The following WDPCP variants were observed in gnomAD, a reference collection of about 807,000 sequenced individuals.
WDPCP encodes the protein WD repeat containing planar cell polarity effector.
A neutral mutation model predicts 93.1 loss-of-function variants in WDPCP; 71 were observed. That is an observed-to-expected ratio of 0.76 (90% CI 0.63 to 0.93). WDPCP has a LOEUF of 0.93. Ranked by LOEUF, WDPCP falls within the 40% of genes least tolerant of loss-of-function variation. The pLI, the probability that WDPCP is intolerant of heterozygous loss-of-function variation, is 0.00. For missense variants in WDPCP, 844 were observed against 887.4 expected (o/e 0.95, Z 0.62); for synonymous variants, 315 against 315.0 (o/e 1.00, Z 0.00).
intron 2 of WDPCP, among the ~76,000 whole-genome samples, chr2:63,691,377 A>G (rs1668885651): frequency 6.6e-6 from 1 of 152,184 alleles, no homozygotes; most frequent in Non-Finnish European, 1.5e-5. Flanking sequence ...GCTCATGCCT[A>G]TAATCCCAAC....
At chr2:63,175,964 T>C (rs1308309266) in intron 14 of WDPCP, among the ~76,000 whole-genome samples, 1 of 152,200 alleles carries the variant, frequency 6.6e-6, no homozygotes, top group Non-Finnish European at 1.5e-5. Flanking sequence ...GGATTGCCTA[T>C]CATACAGTGG....
intron 1 of WDPCP, among the ~76,000 whole-genome samples, chr2:63,517,132 CATCTT>C (rs555295181): frequency 1.3e-5 from 2 of 152,128 alleles, no homozygotes; most frequent in Non-Finnish European, 2.9e-5. Context: ...TTTATGCCCT[CATCTT>C]ATCTTGCCTA....
chr2:63,811,538 T>C (rs1156233359), intron 2 of WDPCP, among the ~76,000 whole-genome samples: 3 of 151,660 alleles, frequency 2.0e-5, no homozygotes, highest in South Asian at 2.1e-4. Context: ...CTGAGTGAAC[T>C]TGGAAGCAGA....
chr2:63,688,278 T>A (rs558226403), intron 2 of WDPCP, among the ~76,000 whole-genome samples: 151 of 152,026 alleles, frequency 9.9e-4, no homozygotes, highest in African/African-American at 3.5e-3. Flanking sequence ...TACAAAAAAA[T>A]TAGCCGGGCG....
chr2:63,336,460 A>G (rs1688374353), intron 12 of WDPCP, among the ~76,000 whole-genome samples: 1 of 152,236 alleles, frequency 6.6e-6, no homozygotes, highest in Admixed American at 6.5e-5. Context: ...CCACTCAGCC[A>G]TTGAATATAA....
intron 1 of WDPCP, among the ~76,000 whole-genome samples, chr2:63,523,289 C>T (rs1171969197): frequency 6.6e-6 from 1 of 152,084 alleles, no homozygotes; most frequent in Non-Finnish European, 1.5e-5. Flanking sequence ...ACAAACTAGG[C>T]ATCAAAAGAA....
At chr2:63,322,356 G>A (rs889593191) in intron 12 of WDPCP, among the ~76,000 whole-genome samples, 14 of 152,160 alleles carry the variant, frequency 9.2e-5, no homozygotes, top group Non-Finnish European at 1.6e-4. Context: ...AACCCGCTCG[G>A]GTCCCCTTCC....
intron 3 of WDPCP, among the ~76,000 whole-genome samples, chr2:63,649,628 T>C (rs75997467): frequency 2.0e-5 from 3 of 152,238 alleles, no homozygotes; most frequent in Non-Finnish European, 2.9e-5. Context: ...TGAATAACTG[T>C]TTTCCATAGA....
At chr2:63,835,334 G>A in the WDPCP span, among the ~76,000 whole-genome samples, 1 of 143,134 alleles carries the variant, frequency 7.0e-6, no homozygotes, top group Non-Finnish European at 1.5e-5. Context: ...AGGTTGCAGT[G>A]AGCAGAGACT....
intron 2 of WDPCP, among the ~76,000 whole-genome samples, chr2:63,708,490 G>A (rs1394710689): frequency 6.6e-6 from 1 of 152,208 alleles, no homozygotes; most frequent in African/African-American, 2.4e-5. Flanking sequence ...ACAGTATTAG[G>A]GTGGGAGTGA....
chr2:63,409,687 G>A (rs1694884304), intron 9 of WDPCP, among the ~76,000 whole-genome samples: 1 of 152,038 alleles, frequency 6.6e-6, no homozygotes, highest in Non-Finnish European at 1.5e-5. Flanking sequence ...AGGAAATAGA[G>A]AGCTTAAAGA....
intron 14 of WDPCP, among the ~76,000 whole-genome samples, chr2:63,242,566 G>A (rs1443283441): frequency 6.6e-6 from 1 of 152,148 alleles, no homozygotes; most frequent in Non-Finnish European, 1.5e-5. Context: ...AGGCTGCAGT[G>A]AGCTATGATG....
intron 2 of WDPCP, among the ~76,000 whole-genome samples, chr2:63,712,462 A>T (rs1486188516): frequency 5.9e-5 from 9 of 152,346 alleles, no homozygotes; most frequent in Middle Eastern, 3.4e-3. Flanking sequence ...GGAAAATGTT[A>T]ATCAAACTTT....
chr2:63,434,050 T>C (rs1696963655), intron 8 of WDPCP, 114 bp from the exon 9 acceptor site: 3 of 1,030,446 alleles, frequency 2.9e-6, no homozygotes, highest in East Asian at 2.6e-5. Flanking sequence ...TAAATATGCA[T>C]GTTAAACATG....
chr2:63,604,640 C>G, intron 3 of WDPCP: 1 of 1,407,572 alleles, frequency 7.1e-7, no homozygotes, highest in South Asian at 1.3e-5. Flanking sequence ...AAACAGGTCC[C>G]AATTGGAAAT....
chr2:63,609,666 G>T (rs541523674), intron 3 of WDPCP, among the ~76,000 whole-genome samples: 23 of 152,194 alleles, frequency 1.5e-4, no homozygotes, highest in Non-Finnish European at 2.2e-4. Flanking sequence ...AAGGTGGGAG[G>T]ATTGCAGACC....
rs141091308 is a variant in WDPCP at position 63,307,130 on chromosome 2, C to T, written c.1812+6118G>A. Among the ~76,000 whole-genome samples the T allele has an allele frequency of 9.0e-3, 1,372 of 152,224 alleles. 12 individuals carry two copies. Among genetic ancestry groups the T allele is most frequent in the South Asian group, 0.022 (108 of 4,818 alleles). On this transcript the variant is annotated intron_variant, in intron 13 of 17. Coordinates refer to ENST00000272321, the MANE Select transcript of WDPCP (RefSeq NM_015910.7). ...GAGAGCTAAATCATGAGTGAACTCCCATTCATAATTGCTACAAAGAGAATA... is the reference window on the plus strand; with the variant it reads ...GAGAGCTAAATCATGAGTGAACTCCTATTCATAATTGCTACAAAGAGAATA...
intron 17 of WDPCP, among the ~76,000 whole-genome samples, chr2:63,146,406 G>GTT (rs33976806): frequency 5.1e-4 from 66 of 130,404 alleles, no homozygotes; most frequent in East Asian, 1.8e-3. Flanking sequence ...TTGAGAGCGT[G>GTT]TTTTTTTTTT....
chr2:63,460,671 T>A (rs1698945803), intron 6 of WDPCP, among the ~76,000 whole-genome samples: 1 of 152,142 alleles, frequency 6.6e-6, no homozygotes, highest in Non-Finnish European at 1.5e-5. Flanking sequence ...TCTTTTTTTT[T>A]TGAAACGGAG....
Sources: gnomAD v4.1 joint callset for allele counts (sites outside exome capture counted in the v4.1 genomes callset) on GRCh38, gnomAD v4.1.1 for gene constraint, MANE v1.5 for transcripts, NCBI Gene and HGNC (gene_info 2026-07-23, HGNC 2026-07-21) for gene names.